RASSF8: variants seen among roughly 807,000 people sequenced by gnomAD.
The protein encoded by RASSF8 is ras association domain-containing protein 8.
A neutral mutation model predicts 48.5 loss-of-function variants in RASSF8; 22 were observed. The observed-to-expected ratio is 0.45, with a 90% confidence interval of 0.32 to 0.65. RASSF8 has a LOEUF of 0.65. Ranked by LOEUF, RASSF8 falls within the 30% of genes least tolerant of loss-of-function variation. RASSF8 has a pLI of 0.03. For missense variants in RASSF8, 418 were observed against 489.2 expected, an observed-to-expected ratio of 0.85 and a Z score of 1.37; for synonymous variants, 127 against 171.5, an observed-to-expected ratio of 0.74 and a Z score of 2.03.
At chr12:26,013,631 C>CT (rs5797155) in intron 2 of RASSF8, among the ~76,000 whole-genome samples, 19 of 150,542 alleles carry the variant, frequency 1.3e-4, no homozygotes, top group African/African-American at 2.9e-4. Context: ...GAAAACTTCA[C>CT]TTTTTTTTTT....
At chr12:26,053,461 A>T (rs1387006103) in intron 2 of RASSF8, among the ~76,000 whole-genome samples, 1 of 152,222 alleles carries the variant, frequency 6.6e-6, no homozygotes, top group African/African-American at 2.4e-5. Flanking sequence ...GCAGAAGAGG[A>T]AACAAGTCAG....
Position 26,069,214 on chromosome 12 carries a change from AT to A in RASSF8, c.*401del. Reference sequence around the variant, plus strand: ...AATGTGTGAATGTTGATGTTTTAATATTTTTATTGACTTATCCTGTGACTGA... The same window carrying A: ...AATGTGTGAATGTTGATGTTTTAATATTTTATTGACTTATCCTGTGACTGA... On this transcript the variant is annotated 3_prime_UTR_variant, in exon 6 of 6. Transcript: ENST00000689635. The A allele has an allele frequency of 1.0e-6, 1 of 969,384 alleles. No homozygotes were observed. 60.0% of individuals were successfully genotyped at this position (969,384 alleles called of 1,614,324 possible). A position where few individuals can be genotyped will look rare whatever the true frequency, so the allele number is the denominator to read the frequency against.
At chr12:25,972,700 G>C (rs966213083) in intron 1 of RASSF8, among the ~76,000 whole-genome samples, 5 of 152,290 alleles carry the variant, frequency 3.3e-5, no homozygotes, top group South Asian at 2.1e-4. Flanking sequence ...AAAAACACCA[G>C]AATGAAGACA....
At chr12:26,042,329 T>C (rs376339987) in intron 2 of RASSF8, among the ~76,000 whole-genome samples, 2 of 152,228 alleles carry the variant, frequency 1.3e-5, no homozygotes, top group East Asian at 3.8e-4. Flanking sequence ...TTTGTTTTGT[T>C]TTTTTCCATA....
intron 2 of RASSF8, among the ~76,000 whole-genome samples, chr12:26,042,341 T>A (rs1943282854): frequency 6.6e-6 from 1 of 152,204 alleles, no homozygotes; most frequent in African/African-American, 2.4e-5. Flanking sequence ...TTTTCCATAA[T>A]CTAAGACAAG....
At chr12:26,051,144 G>A (rs1013823116) in intron 2 of RASSF8, among the ~76,000 whole-genome samples, 1 of 152,092 alleles carries the variant, frequency 6.6e-6, no homozygotes, top group Admixed American at 6.5e-5. Context: ...AACTCTCCGA[G>A]ACTCACTTTT....
At chr12:26,057,205 A>G (rs553730711) in intron 3 of RASSF8, among the ~76,000 whole-genome samples, 1 of 152,058 alleles carries the variant, frequency 6.6e-6, no homozygotes, top group African/African-American at 2.4e-5. Flanking sequence ...ATATGTATAT[A>G]TGTGCCATGT....
At chr12:25,978,996 C>T (rs555510400) in intron 1 of RASSF8, among the ~76,000 whole-genome samples, 1 of 152,138 alleles carries the variant, frequency 6.6e-6, no homozygotes, top group East Asian at 1.9e-4. Flanking sequence ...AAATGTAGCA[C>T]ATTTGAGGGA....
chr12:26,001,453 G>C (rs558694580), intron 2 of RASSF8, among the ~76,000 whole-genome samples: 1 of 151,786 alleles, frequency 6.6e-6, no homozygotes, highest in Non-Finnish European at 1.5e-5. Context: ...TTAACTTTTT[G>C]ATTCTTTTGT....
At chr12:26,067,850 C>T (rs1943914113) in intron 5 of RASSF8, 137 bp downstream of exon 5, 7 of 1,161,730 alleles carry the variant, frequency 6.0e-6, no homozygotes, top group South Asian at 3.1e-5. Flanking sequence ...ACTGCAGCCT[C>T]GACCTCCTGG....
rs907267147 is a variant in RASSF8, at chr12:26,069,366, A to T, written c.*548A>T. The T allele has an allele frequency of 1.0e-6, 1 of 984,912 alleles. No homozygotes were observed. Among genetic ancestry groups the T allele is most frequent in the African/African-American group, 1.7e-5 (1 of 57,232 alleles). 61.0% of individuals were successfully genotyped at this position (984,912 alleles called of 1,614,324 possible). A position where few individuals can be genotyped will look rare whatever the true frequency, so the allele number is the denominator to read the frequency against. On this transcript the variant is annotated 3_prime_UTR_variant, in exon 6 of 6. Coordinates refer to ENST00000689635, the MANE Select transcript of RASSF8 (RefSeq NM_001394098.1). ...ATCGAAGCTAACTCCACAGGAAGCCACTTGCATTTGTTTTGTGAAACTGTC... is the reference window on the plus strand; with the variant it reads ...ATCGAAGCTAACTCCACAGGAAGCCTCTTGCATTTGTTTTGTGAAACTGTC...
At position 26,072,434 on chromosome 12, in the gene RASSF8, A is replaced by G; in HGVS notation, c.*3616A>G. On this transcript the variant is annotated 3_prime_UTR_variant, in exon 6 of 6. Coordinates refer to ENST00000689635, the MANE Select transcript of RASSF8 (RefSeq NM_001394098.1). ...AGGAGCTCTTTTCAATGCATTTTAT[A>G]TATTTTTAGAAACCAAATAAATGCA... 2 of 974,984 alleles carry G rather than the reference A, an allele frequency of 2.1e-6. No individual in the cohort carries two copies. Among genetic ancestry groups the G allele is most frequent in the Non-Finnish European group, 2.4e-6 (2 of 820,406 alleles). The allele number at this position is 974,984 out of a possible 1,614,324, so 60.4% of individuals were successfully genotyped here.
chr12:26,053,484 T>C (rs919444296), intron 2 of RASSF8, among the ~76,000 whole-genome samples: 1 of 152,218 alleles, frequency 6.6e-6, no homozygotes, highest in South Asian at 2.1e-4. Flanking sequence ...CTTTTCTGTT[T>C]TCTTAAATGT....
At chr12:25,966,586 G>T (rs986202064) in intron 1 of RASSF8, among the ~76,000 whole-genome samples, 2 of 152,124 alleles carry the variant, frequency 1.3e-5, no homozygotes, top group African/African-American at 2.4e-5. Context: ...TGCTATCTTT[G>T]TATCTTCTTT....
intron 2 of RASSF8, among the ~76,000 whole-genome samples, chr12:26,013,880 T>C (rs535526073): frequency 7.2e-5 from 11 of 152,238 alleles, no homozygotes; most frequent in Non-Finnish European, 1.5e-4. Flanking sequence ...TTTTATTCTA[T>C]ACTTGGCAGG....
chr12:26,030,102 G>A (rs771217533), intron 2 of RASSF8, among the ~76,000 whole-genome samples: 1 of 152,056 alleles, frequency 6.6e-6, no homozygotes, highest in Non-Finnish European at 1.5e-5. Context: ...TTATGATACC[G>A]TATGTCTAAA....
At chr12:26,049,780 G>A (rs751449907) in intron 2 of RASSF8, among the ~76,000 whole-genome samples, 16 of 152,012 alleles carry the variant, frequency 1.1e-4, no homozygotes, top group Admixed American at 2.0e-4. Flanking sequence ...AGGAAAAGAC[G>A]GAATTCTTTT....
At chr12:26,022,265 T>C (rs959772246) in intron 2 of RASSF8, among the ~76,000 whole-genome samples, 2 of 152,172 alleles carry the variant, frequency 1.3e-5, no homozygotes, top group Non-Finnish European at 2.9e-5. Flanking sequence ...ACTGTGTGCA[T>C]GCCCAGTGCT....
intron 5 of RASSF8, among the ~76,000 whole-genome samples, chr12:26,078,257 G>A (rs1565655332): frequency 6.6e-6 from 1 of 152,184 alleles, no homozygotes; most frequent in Non-Finnish European, 1.5e-5. Context: ...TAGAATTAAT[G>A]AGAAAAATAA....
Sources: allele counts gnomAD v4.1 joint callset (sites outside exome capture counted in the v4.1 genomes callset), GRCh38; gene constraint gnomAD v4.1.1; transcripts MANE v1.5; gene names NCBI Gene and HGNC (gene_info 2026-07-23, HGNC 2026-07-21).